EGFL7: variants seen among roughly 807,000 people sequenced by gnomAD.
The protein encoded by EGFL7 is epidermal growth factor-like protein 7.
Under a neutral mutation model 37.1 loss-of-function variants are expected in EGFL7, and 48 were observed. The observed-to-expected ratio is 1.29, with a 90% confidence interval of 1.03 to 1.65. The LOEUF is 1.65. Among genes scored for constraint, EGFL7 ranks in the 40% most tolerant of loss-of-function variants. EGFL7 has a pLI of 0.00. For missense variants in EGFL7, 384 were observed against 378.9 expected, an observed-to-expected ratio of 1.01 and a Z score of -0.11; for synonymous variants, 180 against 156.8, an observed-to-expected ratio of 1.15 and a Z score of -1.10.
At chr9:136,671,406 C>T (rs1239395482) in intron 9 of EGFL7, among the ~76,000 whole-genome samples, 5 of 152,118 alleles carry the variant, frequency 3.3e-5, no homozygotes, top group African/African-American at 7.2e-5. Flanking sequence ...GACATGGTCC[C>T]GACCCACGGA....
At chr9:136,665,199 G>C (rs1317697524) in intron 3 of EGFL7, among the ~76,000 whole-genome samples, 1 of 152,142 alleles carries the variant, frequency 6.6e-6, no homozygotes, top group Admixed American at 6.5e-5. Flanking sequence ...GGGGGCCGGC[G>C]CAGGGGCCCC....
upstream of EGFL7, among the ~76,000 whole-genome samples, chr9:136,661,880 G>A (rs1352399565): frequency 1.3e-5 from 2 of 152,202 alleles, no homozygotes; most frequent in African/African-American, 2.4e-5. Context: ...GCATCAGGCC[G>A]ACAGGGGCTG....
At chr9:136,665,803 G>C (rs1308555569) in intron 3 of EGFL7, 1 of 146,242 alleles carries the variant, frequency 6.8e-6, no homozygotes, top group Non-Finnish European at 1.5e-5. Context: ...GCGCGTGCGC[G>C]CCCCGGATCC....
rs1339084453 is a variant in EGFL7, at chr9:136,669,931, T to C, written c.331T>C (p.Cys111Arg). Residue 111 changes from cysteine (C) to arginine (R), a missense_variant, in exon 7 of 11, where the codon TGC becomes CGC. Physicochemically the swap from Cys to Arg is radical, Grantham distance 180. Transcript: ENST00000308874. ...GCCCACAGCAATATGCCAGCCGCCA[T>C]GCCGGAACGGAGGGAGCTGTGTCCA... ...ACGAAICQPP[C>R]RNGGSCVQPG... The C allele has an allele frequency of 6.2e-7, 1 of 1,603,118 alleles. No homozygotes were observed. The highest frequency in any genetic ancestry group is 1.3e-5 in the African/African-American group (1 of 74,662).
At chr9:136,667,295 C>T (rs1340665931) in intron 3 of EGFL7, among the ~76,000 whole-genome samples, 1 of 152,232 alleles carries the variant, frequency 6.6e-6, no homozygotes, top group Non-Finnish European at 1.5e-5. Context: ...TGCGGAGGGC[C>T]CTGCAGTGCC....
Position 136,672,521 on chromosome 9 carries a change from A to G in EGFL7, c.*235A>G. ...TGGCTACCCCCACCCTGGCTACCCCAACGGCATCCCAAGGCCAGGTGGGCC... is the reference window on the plus strand; with the variant it reads ...TGGCTACCCCCACCCTGGCTACCCCGACGGCATCCCAAGGCCAGGTGGGCC... On this transcript the variant is annotated 3_prime_UTR_variant, in exon 11 of 11. Coordinates refer to ENST00000308874, the MANE Select transcript of EGFL7 (RefSeq NM_016215.5). 1.7e-6 allele frequency: 1 copy of G among 605,848 alleles called. No individual in the cohort carries two copies. Among genetic ancestry groups the G allele is most frequent in the Non-Finnish European group, 2.9e-6 (1 of 342,972 alleles). 37.5% of individuals were successfully genotyped at this position (605,848 alleles called of 1,614,324 possible). A position where few individuals can be genotyped will look rare whatever the true frequency, so the allele number is the denominator to read the frequency against.
chr9:136,670,012 G>GGATGAATGC lies in EGFL7; in HGVS notation c.409+3_409+4insGATGAATGC. The GGATGAATGC allele has an allele frequency of 2.5e-6, 4 of 1,593,506 alleles. No homozygotes were observed. Among genetic ancestry groups the GGATGAATGC allele is most frequent in the African/African-American group, 2.7e-5 (2 of 74,790 alleles). ...GCGGGGTGACACTTGCCAGTCAGGT[G>GGATGAATGC]AGGCTGGCTCTACCCTGGGGGGCCC... On this transcript the variant is annotated splice_donor_region_variant and intron_variant, in intron 7 of 10. Coordinates refer to ENST00000308874, the MANE Select transcript of EGFL7 (RefSeq NM_016215.5).
At chr9:136,659,388 C>G (rs1845002662), upstream of EGFL7, 1 of 152,446 alleles carries the variant, frequency 6.6e-6, no homozygotes, top group African/African-American at 2.4e-5. Context: ...CCCTCCCGCA[C>G]TCTGCTTCAC....
upstream of EGFL7, among the ~76,000 whole-genome samples, chr9:136,662,722 G>T (rs547982356): frequency 4.6e-5 from 7 of 152,210 alleles, no homozygotes; most frequent in East Asian, 1.4e-3. Context: ...CCCAGGGGAC[G>T]GCTTCCCCAC....
intron 8 of EGFL7, 152 bp from the exon 9 acceptor site, chr9:136,670,798 G>C (rs1845805295): frequency 1.3e-5 from 10 of 785,830 alleles, no homozygotes; most frequent in Non-Finnish European, 1.1e-5. Flanking sequence ...GCATAGCCCT[G>C]AGACCTCTGG....
intron 8 of EGFL7, 64 bp downstream of exon 8, chr9:136,670,394 T>C (rs966340503): frequency 2.0e-6 from 3 of 1,481,100 alleles, no homozygotes; most frequent in Non-Finnish European, 2.7e-6. Flanking sequence ...GCCGTGTGGC[T>C]GTTAGGCATG....
Position 136,671,969 on chromosome 9 carries a change from A to G in EGFL7, c.680A>G (p.Gln227Arg), listed in dbSNP as rs776379341. 1.7e-4 allele frequency: 254 copies of G among 1,539,056 alleles called. No individual in the cohort carries two copies. The highest frequency in any genetic ancestry group is 2.1e-4 in the Non-Finnish European group (235 of 1,145,422). ...VLAPLHSLAS[Q>R]ALEHGLPDPG... ...GCCCCACTGCACAGCCTGGCCTCGC[A>G]GGCACTGGAGCATGGGCTCCCGGAC... Residue 227 changes from glutamine to arginine, a missense_variant, in exon 10 of 11, where the codon CAG becomes CGG. Physicochemically the swap from Gln to Arg is conservative, Grantham distance 43 (BLOSUM62 1). Coordinates refer to ENST00000308874, the MANE Select transcript of EGFL7 (RefSeq NM_016215.5).
chr9:136,669,656 G>A lies in EGFL7; in HGVS notation c.248G>A (p.Arg83Lys). 1.2e-6 allele frequency: 2 copies of A among 1,611,096 alleles called. No homozygotes were observed. The highest frequency in any genetic ancestry group is 1.7e-6 in the Non-Finnish European group (2 of 1,179,404). The change falls in exon 6 of 11, where the codon AGG becomes AAG. Residue 83 changes from arginine (R) to lysine (K), a missense_variant. Coordinates refer to ENST00000308874, the MANE Select transcript of EGFL7 (RefSeq NM_016215.5). ...YRRSPGLAPA[R>K]PRYACCPGWK... ...CGCAGCCCTGGGCTGGCCCCTGCCA[G>A]GCCTCGCTACGCGTGCTGCCCCGGC...
At position 136,672,672 on chromosome 9, in the gene EGFL7, A is replaced by C; in HGVS notation, c.*386A>C. On this transcript the variant is annotated 3_prime_UTR_variant, in exon 11 of 11. Coordinates refer to ENST00000308874, the MANE Select transcript of EGFL7 (RefSeq NM_016215.5). ...CTGACCCCCAGCACAATAAAAATGA[A>C]ACGTGAGCTGCTGTGTCAGTGGATG... 1.0e-5 allele frequency: 3 copies of C among 291,064 alleles called. No individual in the cohort carries two copies. The highest frequency in any genetic ancestry group is 6.5e-6 in the Non-Finnish European group (1 of 152,958). The allele number at this position is 291,064 out of a possible 1,614,324, so 18.0% of individuals were successfully genotyped here. A position where few individuals can be genotyped will look rare whatever the true frequency, so the allele number is the denominator to read the frequency against.
rs889392684 is a variant in EGFL7 at position 136,663,462 on chromosome 9, G to C, written c.-298G>C. 6.6e-6 allele frequency: 1 copy of C among 152,344 alleles called. No homozygotes were observed. Among genetic ancestry groups the C allele is most frequent in the African/African-American group, 2.4e-5 (1 of 41,470 alleles). 9.4% of individuals were successfully genotyped at this position (152,344 alleles called of 1,614,324 possible). A position where few individuals can be genotyped will look rare whatever the true frequency, so the allele number is the denominator to read the frequency against. ...AGCTTGGCTGGGCCCGCTGTGAGGG[G>C]CTTCGCGCTACGCCCTGCGGTGTCC... On this transcript the variant is annotated 5_prime_UTR_variant, in exon 2 of 11. Coordinates refer to ENST00000308874, the MANE Select transcript of EGFL7 (RefSeq NM_016215.5).
At position 136,670,344 on chromosome 9, in the gene EGFL7, G is replaced by T; in HGVS notation, c.571+14G>T. 6.5e-7 allele frequency: 1 copy of T among 1,541,300 alleles called. No homozygotes were observed. The highest frequency in any genetic ancestry group is 1.9e-4 in the Middle Eastern group (1 of 5,396). On this transcript the variant is annotated intron_variant, in intron 8 of 10. Coordinates refer to ENST00000308874, the MANE Select transcript of EGFL7 (RefSeq NM_016215.5). ...CCAACCCGACAGGTAAACAGCCCTG[G>T]CTGTGCCTGGCCTGGGGAGGCGGGC... is the stretch of plus-strand genomic sequence containing the variant.
At chr9:136,661,671 C>T (rs372558630), upstream of EGFL7, among the ~76,000 whole-genome samples, 7 of 152,136 alleles carry the variant, frequency 4.6e-5, no homozygotes, top group Non-Finnish European at 1.0e-4. Flanking sequence ...TTCCCCTGGC[C>T]GTGGGTAGAG....
intron 5 of EGFL7, 80 bp from the exon 6 acceptor site, chr9:136,669,526 C>G: frequency 9.4e-7 from 1 of 1,066,438 alleles, no homozygotes; most frequent in Non-Finnish European, 1.4e-6. Flanking sequence ...CCTGTGCACT[C>G]TGAGAGGGGA....
upstream of EGFL7, chr9:136,659,747 G>A (rs1845021628): frequency 2.0e-5 from 3 of 152,414 alleles, no homozygotes; most frequent in Admixed American, 2.0e-4. Context: ...GGCCTGTGTG[G>A]GGCACAAAGC....
Sources: allele counts gnomAD v4.1 joint callset (sites outside exome capture counted in the v4.1 genomes callset), GRCh38; gene constraint gnomAD v4.1.1; transcripts MANE v1.5; gene names NCBI Gene and HGNC (gene_info 2026-07-23, HGNC 2026-07-21).